The following CDYL2 variants were observed in gnomAD, a reference collection of about 807,000 sequenced individuals.
The protein encoded by CDYL2 is chromodomain Y-like protein 2.
A neutral mutation model predicts 49.4 loss-of-function variants in CDYL2; 23 were observed. The observed-to-expected ratio is 0.47, with a 90% CI of 0.34 to 0.66. CDYL2 has a LOEUF of 0.66. CDYL2 is among the 30% of genes least tolerant of loss of function. The pLI, the probability that CDYL2 is intolerant of heterozygous loss-of-function variation, is 0.01. For missense variants in CDYL2, 678 were observed against 656.4 expected, an observed-to-expected ratio of 1.03 and a Z score of -0.36; for synonymous variants, 360 against 268.8, an observed-to-expected ratio of 1.34 and a Z score of -3.32.
At position 80,628,926 on chromosome 16, in the gene CDYL2, G is replaced by C. The variant is rs543508948; in HGVS notation, c.834+4093C>G. On this transcript the variant is annotated intron_variant, in intron 3 of 6. Coordinates refer to ENST00000570137, the MANE Select transcript of CDYL2 (RefSeq NM_152342.4). The stretch of plus-strand genomic sequence containing the variant: ...TGTGATAAGACTTGTGCAAGTGATG[G>C]GTGAACTGAGACCTGAAGGAAGAGC... Among the ~76,000 whole-genome samples the C allele has an allele frequency of 1.4e-4, 21 of 152,278 alleles. No individual in the cohort carries two copies. The South Asian group carries it at 4.4e-3, about 32-fold the overall frequency.
rs538432449 is a variant in CDYL2 at position 80,748,506 on chromosome 16, TAAAAAAAAAAAAAAA to T, written c.24+55629_24+55643del. On this transcript the variant is annotated intron_variant, in intron 1 of 6. Transcript: ENST00000570137. Reference sequence around the variant, plus strand: ...CCTGGGCGACAGAGCAAAACTCCATTAAAAAAAAAAAAAAAAAAAAAAAAAAAAAAAAAACTCAGG... The same window carrying T: ...CCTGGGCGACAGAGCAAAACTCCATTAAAAAAAAAAAAAAAAAAACTCAGG... Among the ~76,000 whole-genome samples the T allele has an allele frequency of 9.4e-3, 181 of 19,160 alleles. 2 individuals carry two copies. The highest frequency in any genetic ancestry group is 0.083 in the Middle Eastern group (3 of 36). The allele number at this position is 19,160 out of a possible 152,430, so 12.6% of individuals were successfully genotyped here. A position where few individuals can be genotyped will look rare whatever the true frequency, so the allele number is the denominator to read the frequency against.
At chr16:80,637,471 C>T (rs1455976585) in intron 2 of CDYL2, among the ~76,000 whole-genome samples, 2 of 151,898 alleles carry the variant, frequency 1.3e-5, no homozygotes, top group African/African-American at 4.8e-5. Context: ...GATTTTTGTC[C>T]ACAGATGACA....
chr16:80,617,341 G>A (rs563458998), intron 4 of CDYL2, among the ~76,000 whole-genome samples: 2 of 152,306 alleles, frequency 1.3e-5, no homozygotes, highest in East Asian at 3.9e-4. Context: ...GCAGTTCTAT[G>A]TCCAAACAAC....
intron 1 of CDYL2, among the ~76,000 whole-genome samples, chr16:80,685,976 T>C (rs1910174075): frequency 6.6e-6 from 1 of 152,246 alleles, no homozygotes; most frequent in African/African-American, 2.4e-5. Context: ...GGCAAAGAGA[T>C]AGGTAACATT....
At chr16:80,759,118 A>ATATATATATGTATATATATATGGTT in intron 1 of CDYL2, among the ~76,000 whole-genome samples, 1 of 118,464 alleles carries the variant, frequency 8.4e-6, no homozygotes, top group South Asian at 2.6e-4. Context: ...ATATATATAT[A>ATATATATATGTATATATATATGGTT]TATATATATA....
At chr16:80,774,519 T>A (rs1907016617) in intron 1 of CDYL2, among the ~76,000 whole-genome samples, 1 of 152,086 alleles carries the variant, frequency 6.6e-6, no homozygotes, top group Non-Finnish European at 1.5e-5. Flanking sequence ...ATGTATTATA[T>A]ACTCCAAAAC....
chr16:80,755,762 C>T (rs375466034), intron 1 of CDYL2, among the ~76,000 whole-genome samples: 2 of 152,206 alleles, frequency 1.3e-5, no homozygotes, highest in Non-Finnish European at 2.9e-5. Flanking sequence ...ATGGATGTAA[C>T]TTAATGATAG....
chr16:80,700,223 T>C (rs1004120506), intron 1 of CDYL2, among the ~76,000 whole-genome samples: 1 of 152,108 alleles, frequency 6.6e-6, no homozygotes, highest in African/African-American at 2.4e-5. Flanking sequence ...TCCAGATAAA[T>C]TAGAAAGTTA....
intron 1 of CDYL2, among the ~76,000 whole-genome samples, chr16:80,712,604 A>G (rs1239235873): frequency 6.6e-6 from 1 of 152,076 alleles, no homozygotes; most frequent in East Asian, 1.9e-4. Context: ...GGAGGCAGAA[A>G]GAAGGTGGAC....
At chr16:80,724,809 C>T (rs1005584669) in intron 1 of CDYL2, among the ~76,000 whole-genome samples, 9 of 152,200 alleles carry the variant, frequency 5.9e-5, no homozygotes, top group Admixed American at 3.3e-4. Context: ...ACCTCTCACC[C>T]AGACCTTTGT....
intron 1 of CDYL2, among the ~76,000 whole-genome samples, chr16:80,798,573 ATAGAG>A (rs1291983097): frequency 2.6e-5 from 4 of 152,240 alleles, no homozygotes; most frequent in African/African-American, 4.8e-5. Context: ...TATTGTAAGA[ATAGAG>A]TATATACTAC....
chr16:80,670,856 G>A (rs1308694861), intron 2 of CDYL2: 2 of 454,816 alleles, frequency 4.4e-6, no homozygotes, highest in East Asian at 7.0e-5. Flanking sequence ...GATAAAAGGG[G>A]CTCTATACAC....
Position 80,724,950 on chromosome 16 carries a change from G to A in CDYL2, c.25-39821C>T, listed in dbSNP as rs143110161. Among the ~76,000 whole-genome samples, 498 of 152,262 alleles carry A rather than the reference G, an allele frequency of 3.3e-3. 3 individuals are homozygous for A. Among genetic ancestry groups the A allele is most frequent in the African/African-American group, 0.011 (459 of 41,548 alleles). The stretch of plus-strand genomic sequence containing the variant: ...AGATCGTGTCCTCAAACCCTTTGGT[G>A]GTTTCCCACTGAACTAAGAATGAAA... On this transcript the variant is annotated intron_variant, in intron 1 of 6. Transcript: ENST00000570137.
intron 2 of CDYL2, among the ~76,000 whole-genome samples, chr16:80,666,918 T>C (rs1909288255): frequency 6.6e-6 from 1 of 152,190 alleles, no homozygotes; most frequent in African/African-American, 2.4e-5. Context: ...GATACAGCTG[T>C]GAACAAAAAT....
At chr16:80,782,464 G>A (rs902437188) in intron 1 of CDYL2, among the ~76,000 whole-genome samples, 1 of 148,576 alleles carries the variant, frequency 6.7e-6, no homozygotes, top group Non-Finnish European at 1.5e-5. Flanking sequence ...TAAAAGGGAG[G>A]GTATACTTTC....
chr16:80,620,635 A>G, intron 4 of CDYL2, 128 bp downstream of exon 4: 1 of 786,392 alleles, frequency 1.3e-6, no homozygotes. Context: ...CGAGTATTGC[A>G]CAGGATATAC....
chr16:80,721,706 A>G (rs938385055), intron 1 of CDYL2, among the ~76,000 whole-genome samples: 2 of 152,212 alleles, frequency 1.3e-5, no homozygotes, highest in Non-Finnish European at 2.9e-5. Context: ...CATGCCTAAC[A>G]ATGGCCCAGC....
At chr16:80,608,471 G>A (rs1018705528) in intron 5 of CDYL2, among the ~76,000 whole-genome samples, 1 of 152,174 alleles carries the variant, frequency 6.6e-6, no homozygotes, top group African/African-American at 2.4e-5. Context: ...TATTTACTGT[G>A]ACTCTGTATG....
intron 2 of CDYL2, among the ~76,000 whole-genome samples, chr16:80,674,671 T>C (rs1160669950): frequency 6.6e-6 from 1 of 152,234 alleles, no homozygotes; most frequent in Non-Finnish European, 1.5e-5. Context: ...TCTCTACAGA[T>C]TCACCTATTC....
Sources: gnomAD v4.1 joint callset for allele counts (sites outside exome capture counted in the v4.1 genomes callset) on GRCh38, gnomAD v4.1.1 for gene constraint, MANE v1.5 for transcripts, NCBI Gene and HGNC (gene_info 2026-07-23, HGNC 2026-07-21) for gene names.